The following DPYD variants were observed in gnomAD, a reference collection of about 807,000 sequenced individuals.
DPYD encodes the protein dihydropyrimidine dehydrogenase [NADP(+)].
A neutral mutation model predicts 116.2 loss-of-function variants in DPYD; 109 were observed. That is an observed-to-expected ratio of 0.94 (90% CI 0.80 to 1.10). The LOEUF (loss-of-function observed/expected upper bound fraction) is 1.10. Ranked by LOEUF, DPYD falls within the 50% of genes least tolerant of loss-of-function variation. DPYD has a pLI of 0.00. For synonymous variants in DPYD, 440 were observed against 432.0 expected, an observed-to-expected ratio of 1.02 and a Z score of -0.23; for missense variants, 1,302 against 1,254.5, an observed-to-expected ratio of 1.04 and a Z score of -0.57.
chr1:97,556,706 T>C (rs1651749332), intron 11 of DPYD, among the ~76,000 whole-genome samples: 1 of 149,900 alleles, frequency 6.7e-6, no homozygotes, highest in Middle Eastern at 3.6e-3. Flanking sequence ...TATGGCTGCA[T>C]AGTATTCCAT....
Position 97,163,627 on chromosome 1 carries a change from G to A in DPYD, c.2622+29442C>T, listed in dbSNP as rs1570582185. Among the ~76,000 whole-genome samples, 4 of 152,284 alleles carry A rather than the reference G, an allele frequency of 2.6e-5. No homozygotes were observed. In the South Asian group the frequency reaches 8.3e-4, roughly 32 times the overall value. On this transcript the variant is annotated intron_variant, in intron 20 of 22. Coordinates refer to ENST00000370192, the MANE Select transcript of DPYD (RefSeq NM_000110.4). ...TCTGCTTTCTAGATAGCGCCTTGTT[G>A]CTGCATCCTCCAGAGAAATGAATGC... is the stretch of plus-strand genomic sequence containing the variant.
At chr1:97,880,120 A>G (rs1264179492) in intron 2 of DPYD, among the ~76,000 whole-genome samples, 1 of 151,810 alleles carries the variant, frequency 6.6e-6, no homozygotes. Context: ...TTCAATCTAA[A>G]GATAGTATTA....
chr1:97,901,041 T>G (rs1673344675), intron 1 of DPYD, among the ~76,000 whole-genome samples: 1 of 151,892 alleles, frequency 6.6e-6, no homozygotes, highest in Non-Finnish European at 1.5e-5. Flanking sequence ...AGAACATTTT[T>G]TAATGTTCTT....
intron 5 of DPYD, among the ~76,000 whole-genome samples, chr1:97,706,774 A>T (rs535026516): frequency 1.8e-4 from 27 of 152,134 alleles, no homozygotes; most frequent in Non-Finnish European, 2.1e-4. Flanking sequence ...TTACTGAAGG[A>T]TATCTCAAAA....
At chr1:97,191,608 G>A (rs1658372328) in intron 20 of DPYD, among the ~76,000 whole-genome samples, 1 of 152,010 alleles carries the variant, frequency 6.6e-6, no homozygotes, top group African/African-American at 2.4e-5. Flanking sequence ...TCTTTTATTT[G>A]AATATGTAAG....
intron 3 of DPYD, among the ~76,000 whole-genome samples, chr1:97,768,337 C>T (rs552852192): frequency 1.3e-4 from 20 of 152,152 alleles, no homozygotes; most frequent in East Asian, 3.9e-4. Flanking sequence ...CCAGGAAAAA[C>T]GAACTCGTGT....
intron 3 of DPYD, among the ~76,000 whole-genome samples, chr1:97,767,252 ATG>A (rs1246311545): frequency 2.0e-5 from 3 of 152,182 alleles, no homozygotes; most frequent in African/African-American, 7.2e-5. Context: ...TAGGAGAGAC[ATG>A]TATAACTGAG....
intron 14 of DPYD, among the ~76,000 whole-genome samples, chr1:97,430,779 G>A (rs1380720295): frequency 6.6e-6 from 1 of 152,114 alleles, no homozygotes; most frequent in Non-Finnish European, 1.5e-5. Flanking sequence ...ATTAATAGAA[G>A]TATGATTATC....
At position 97,740,426 on chromosome 1, in the gene DPYD, T is replaced by C; in HGVS notation, c.287A>G (p.Asp96Gly). 3 of 1,613,228 alleles carry C rather than the reference T, an allele frequency of 1.9e-6. No individual in the cohort carries two copies. Among genetic ancestry groups the C allele is most frequent in the Non-Finnish European group, 2.5e-6 (3 of 1,179,468 alleles). Residue 96 changes from aspartate to glycine, a missense_variant, in exon 4 of 23, where the codon GAT (aspartate) becomes GGT (glycine). By Grantham distance (94) the Asp-to-Gly change is moderately conservative (BLOSUM62 -1). Coordinates refer to ENST00000370192, the MANE Select transcript of DPYD (RefSeq NM_000110.4). ...AATACTTGTGATGAATGATTTAATATCAAGATTAGTTGGACAGCTCTTCTG... is the reference window on the plus strand; with the variant it reads ...AATACTTGTGATGAATGATTTAATACCAAGATTAGTTGGACAGCTCTTCTG... ...PCQKSCPTNL[D>G]IKSFITSIAN...
chr1:97,286,818 C>T (rs568582743), intron 18 of DPYD, among the ~76,000 whole-genome samples: 109 of 152,284 alleles, frequency 7.2e-4, no homozygotes, highest in African/African-American at 2.5e-3. Flanking sequence ...GTTATACATT[C>T]GTCTAAATTA....
rs566088205 is a variant in DPYD, at chr1:97,424,269, G to T, written c.1905+25790C>A. Among the ~76,000 whole-genome samples, 8 of 152,174 alleles carry T rather than the reference G, an allele frequency of 5.3e-5. No individual in the cohort carries two copies. The South Asian group carries it at 1.7e-3, about 32-fold the overall frequency. ...GTAATGGGTGTTTCGTGGTTACATGGTGAGGCTCTAGAACTTTTGATAGGA... is the reference window on the plus strand; with the variant it reads ...GTAATGGGTGTTTCGTGGTTACATGTTGAGGCTCTAGAACTTTTGATAGGA... On this transcript the variant is annotated intron_variant, in intron 14 of 22. Transcript: ENST00000370192.
intron 3 of DPYD, among the ~76,000 whole-genome samples, chr1:97,825,792 A>C (rs1354527397): frequency 1.3e-5 from 2 of 152,158 alleles, no homozygotes; most frequent in Non-Finnish European, 2.9e-5. Context: ...GAAAGAAAGA[A>C]AAACGGATGG....
chr1:97,540,991 T>C (rs1650411999), intron 12 of DPYD, among the ~76,000 whole-genome samples: 1 of 152,180 alleles, frequency 6.6e-6, no homozygotes, highest in African/African-American at 2.4e-5. Context: ...CTCTATTTGG[T>C]GCTTTTGTAA....
intron 13 of DPYD, among the ~76,000 whole-genome samples, chr1:97,499,673 A>G (rs1336298097): frequency 6.6e-6 from 1 of 151,916 alleles, no homozygotes; most frequent in Non-Finnish European, 1.5e-5. Context: ...AAACAAAGGG[A>G]AATTTATTTT....
In DPYD at chr1:97,767,755, C is replaced by CTTTTTTT. The variant is rs34390188; in HGVS notation, c.234-27283_234-27277dup. On this transcript the variant is annotated intron_variant, in intron 3 of 22. Transcript: ENST00000370192. ...TTGAAGCCACTGAGTTTGGGGCTGG[C>CTTTTTTT]TTTTTTTTTTTTTTTTTTTTGCAGC... Among the ~76,000 whole-genome samples, 8 of 112,450 alleles carry CTTTTTTT rather than the reference C, an allele frequency of 7.1e-5. 1 individual carries two copies. The highest frequency in any genetic ancestry group is 9.1e-5 in the Non-Finnish European group (5 of 54,834). 73.8% of individuals were successfully genotyped at this position (112,450 alleles called of 152,430 possible).
In DPYD at chr1:97,740,402, A is replaced by G; in HGVS notation, c.311T>C (p.Ile104Thr). 2 of 1,612,338 alleles carry G rather than the reference A, an allele frequency of 1.2e-6. No homozygotes were observed. Among genetic ancestry groups the G allele is most frequent in the Non-Finnish European group, 1.7e-6 (2 of 1,178,686 alleles). Residue 104 changes from isoleucine (I) to threonine (T), a missense_variant, in exon 4 of 23, where the codon ATT becomes ACT. Ile to Thr is a moderately conservative substitution (Grantham distance 89). Transcript: ENST00000370192. ...NLDIKSFITS[I>T]ANKNYYGAAK... Reference sequence around the variant, plus strand: ...TAAATCTGAATTTACCTTGTTTGCAATACTTGTGATGAATGATTTAATATC... The same window carrying G: ...TAAATCTGAATTTACCTTGTTTGCAGTACTTGTGATGAATGATTTAATATC...
chr1:97,159,062 T>G (rs1298030299), intron 20 of DPYD, among the ~76,000 whole-genome samples: 1 of 152,078 alleles, frequency 6.6e-6, no homozygotes, highest in Non-Finnish European at 1.5e-5. Flanking sequence ...AAAGAGCATT[T>G]TGACTGCTCT....
chr1:97,575,640 G>A (rs890909995), intron 10 of DPYD, among the ~76,000 whole-genome samples: 3 of 152,044 alleles, frequency 2.0e-5, no homozygotes, highest in Non-Finnish European at 4.4e-5. Flanking sequence ...CAAAACATGT[G>A]GGATGTTATG....
At chr1:97,517,912 AT>A (rs1178750019) in intron 12 of DPYD, among the ~76,000 whole-genome samples, 5 of 151,920 alleles carry the variant, frequency 3.3e-5, no homozygotes, top group Admixed American at 3.3e-4. Context: ...TGAAATATCT[AT>A]TTTTTTCAAT....
Sources: allele counts gnomAD v4.1 joint callset (sites outside exome capture counted in the v4.1 genomes callset), GRCh38; gene constraint gnomAD v4.1.1; transcripts MANE v1.5; gene names NCBI Gene and HGNC (gene_info 2026-07-23, HGNC 2026-07-21).